Variants in SETD2 observed in about 807,000 individuals in gnomAD.
SETD2 encodes the protein histone-lysine N-methyltransferase SETD2.
In SETD2, 31 loss-of-function variants were observed where a neutral mutation model predicts 242.1. The observed-to-expected ratio is 0.13, with a 90% confidence interval of 0.10 to 0.17. The LOEUF is 0.17. Among genes scored for constraint, SETD2 ranks in the 10% least tolerant of loss-of-function variants. SETD2 has a pLI of 1.00. For missense variants in SETD2, 2,481 were observed against 3,046.3 expected, an observed-to-expected ratio of 0.81 and a Z score of 4.37; for synonymous variants, 1,006 against 1,066.5, an observed-to-expected ratio of 0.94 and a Z score of 1.11.
intron 17 of SETD2, among the ~76,000 whole-genome samples, chr3:47,040,730 T>C (rs1277409066): frequency 2.0e-5 from 3 of 151,908 alleles, no homozygotes; most frequent in Non-Finnish European, 2.9e-5. Flanking sequence ...CACACCACCA[T>C]GCCAAGCTAA....
At chr3:47,125,398 C>T (rs578126029) in intron 2 of SETD2, among the ~76,000 whole-genome samples, 68 of 151,886 alleles carry the variant, frequency 4.5e-4, no homozygotes, top group African/African-American at 1.4e-3. Flanking sequence ...CAAATATCAA[C>T]GAGCTATTGA....
intron 15 of SETD2, among the ~76,000 whole-genome samples, chr3:47,056,094 T>TTTTTTTAATTTATTTA (rs1421586594): frequency 4.3e-5 from 5 of 116,422 alleles, no homozygotes; most frequent in African/African-American, 1.6e-4. Flanking sequence ...AAAACATGAT[T>TTTTTTTAATTTATTTA]TTTATTTATT....
chr3:47,058,936 A>G (rs1284300789), intron 14 of SETD2, among the ~76,000 whole-genome samples: 1 of 151,590 alleles, frequency 6.6e-6, no homozygotes, highest in African/African-American at 2.4e-5. Context: ...CTGGGACTAT[A>G]GGTGCCCGCC....
chr3:47,146,854 C>A, intron 1 of SETD2, among the ~76,000 whole-genome samples: 1 of 151,562 alleles, frequency 6.6e-6, no homozygotes, highest in Middle Eastern at 3.4e-3. Context: ...AGGAGAATCA[C>A]TTGAGAGTCC....
intron 14 of SETD2, among the ~76,000 whole-genome samples, chr3:47,058,458 AAAAAAAC>A (rs1472909602): frequency 4.8e-5 from 7 of 145,482 alleles, no homozygotes; most frequent in African/African-American, 1.5e-4. Flanking sequence ...AAAAAAAAAA[AAAAAAAC>A]ACAAAGAGGG....
intron 1 of SETD2, among the ~76,000 whole-genome samples, chr3:47,160,198 C>T (rs1024675831): frequency 6.6e-6 from 1 of 152,124 alleles, no homozygotes; most frequent in Non-Finnish European, 1.5e-5. Context: ...ACCCAGTATA[C>T]CTCACTTTAA....
chr3:47,063,147 A>G (rs1304019753), intron 13 of SETD2, among the ~76,000 whole-genome samples: 1 of 152,214 alleles, frequency 6.6e-6, no homozygotes, highest in African/African-American at 2.4e-5. Context: ...TATGAATACT[A>G]TATTTTCTAT....
chr3:47,055,592 G>C lies in SETD2; in HGVS notation c.6963+1229C>G, dbSNP rs181496410. Among the ~76,000 whole-genome samples, 12 of 152,116 alleles carry C rather than the reference G, an allele frequency of 7.9e-5. No individual in the cohort carries two copies. The East Asian group carries it at 2.3e-3, about 29-fold the overall frequency. The stretch of plus-strand genomic sequence containing the variant: ...TGCACACCTGTAGTCCCAGCTATTT[G>C]GGAGGTGGGAAGATCACTTGAGCCC... On this transcript the variant is annotated intron_variant, in intron 15 of 20. Coordinates refer to ENST00000409792, the MANE Select transcript of SETD2 (RefSeq NM_014159.7).
At chr3:47,084,738 GT>G (rs1553690598) in intron 11 of SETD2, among the ~76,000 whole-genome samples, 1 of 140,828 alleles carries the variant, frequency 7.1e-6, no homozygotes, top group Non-Finnish European at 1.6e-5. Flanking sequence ...AGTTGATTTT[GT>G]TTTTTTTTTG....
At chr3:47,078,085 A>G (rs62246409) in intron 12 of SETD2, among the ~76,000 whole-genome samples, 25,496 of 152,218 alleles carry the variant, frequency 0.17, 2,291 homozygotes, top group Non-Finnish European at 0.2. Context: ...CACAGTAAGT[A>G]ATTCAAGCAA....
chr3:47,103,556 T>C (rs1575778414), intron 6 of SETD2, 133 bp from the exon 7 acceptor site: 1 of 647,372 alleles, frequency 1.5e-6, no homozygotes, highest in Non-Finnish European at 2.6e-6. Flanking sequence ...CCAGTTAAGG[T>C]AGGGCAGTGA....
chr3:47,041,336 G>C (rs560452993), intron 17 of SETD2: 3 of 444,140 alleles, frequency 6.8e-6, no homozygotes, highest in East Asian at 1.4e-4. Flanking sequence ...CTGCAGCAAA[G>C]TATAAACAAT....
In SETD2 at chr3:47,019,926, C is replaced by T. The variant is rs1337711015; in HGVS notation, c.7351-86G>A. 7 of 1,133,516 alleles carry T rather than the reference C, an allele frequency of 6.2e-6. No individual in the cohort carries two copies. In the East Asian group the frequency reaches 7.1e-5, roughly 11 times the overall value. The allele number at this position is 1,133,516 out of a possible 1,614,324, so 70.2% of individuals were successfully genotyped here. On this transcript the variant is annotated intron_variant, in intron 18 of 20. Coordinates refer to ENST00000409792, the MANE Select transcript of SETD2 (RefSeq NM_014159.7). ...ACTGTCCCAGAACCCTCCTTTCTTT[C>T]CCCTAGCAGGGATACCTGATTCTTG... is the stretch of plus-strand genomic sequence containing the variant.
intron 18 of SETD2, among the ~76,000 whole-genome samples, chr3:47,028,013 G>GTT (rs757729092): frequency 6.6e-6 from 1 of 151,528 alleles, no homozygotes; most frequent in African/African-American, 2.4e-5. Flanking sequence ...CCAGGATGCT[G>GTT]GTTTTTTTGT....
chr3:47,053,062 G>C (rs994872628), intron 15 of SETD2, among the ~76,000 whole-genome samples: 1 of 151,664 alleles, frequency 6.6e-6, no homozygotes, highest in Non-Finnish European at 1.5e-5. Context: ...GCTAATTTTT[G>C]TATTTTTGTA....
chr3:47,068,329 G>T (rs749530020), intron 12 of SETD2, among the ~76,000 whole-genome samples: 1 of 151,982 alleles, frequency 6.6e-6, no homozygotes, highest in Non-Finnish European at 1.5e-5. Context: ...CCATTAAAAA[G>T]GATCAATATG....
chr3:47,162,443 C>T (rs1697517576), intron 1 of SETD2, among the ~76,000 whole-genome samples: 2 of 152,078 alleles, frequency 1.3e-5, no homozygotes, highest in Non-Finnish European at 2.9e-5. Context: ...GCCAAGAACC[C>T]ATGAAAGGAA....
At chr3:47,073,459 T>A (rs1345624579) in intron 12 of SETD2, among the ~76,000 whole-genome samples, 2 of 152,064 alleles carry the variant, frequency 1.3e-5, no homozygotes, top group Non-Finnish European at 2.9e-5. Flanking sequence ...CGCAAGTAGG[T>A]CAAAGAGATT....
At chr3:47,089,851 G>A (rs2041721479) in intron 9 of SETD2, among the ~76,000 whole-genome samples, 1 of 152,164 alleles carries the variant, frequency 6.6e-6, no homozygotes, top group Non-Finnish European at 1.5e-5. Flanking sequence ...GCAAAGTAGT[G>A]GGGAAAAGTG....
Sources: allele counts gnomAD v4.1 joint callset (sites outside exome capture counted in the v4.1 genomes callset), GRCh38; gene constraint gnomAD v4.1.1; transcripts MANE v1.5; gene names NCBI Gene and HGNC (gene_info 2026-07-23, HGNC 2026-07-21).